ACADM: variants seen among roughly 807,000 people sequenced by gnomAD.
ACADM encodes the protein acyl-CoA dehydrogenase medium chain.
ACADM carries 49 observed loss-of-function variants against 58.9 expected under a neutral mutation model. The observed-to-expected ratio is 0.83, with a 90% CI of 0.66 to 1.06. The LOEUF (loss-of-function observed/expected upper bound fraction) is 1.06, where lower values mean the gene tolerates loss of function less well. ACADM is among the 50% of genes least tolerant of loss of function. ACADM has a pLI of 0.00. For synonymous variants in ACADM, 160 were observed against 157.7 expected, an observed-to-expected ratio of 1.01 and a Z score of -0.11; for missense variants, 496 against 507.0, an observed-to-expected ratio of 0.98 and a Z score of 0.21.
intron 8 of ACADM, 49 bp from the exon 9 acceptor site, chr1:75,749,370 G>A (rs1160463678): frequency 8.7e-6 from 14 of 1,601,814 alleles, no homozygotes; most frequent in Non-Finnish European, 8.5e-6. Flanking sequence ...AGCAAAAATT[G>A]ATGCTGGCTC....
intron 1 of ACADM, among the ~76,000 whole-genome samples, chr1:75,725,206 A>C (rs1395062010): frequency 2.0e-5 from 3 of 152,080 alleles, no homozygotes. Flanking sequence ...ATGTTTAATA[A>C]GCTTTTCGTT....
intron 7 of ACADM, chr1:75,743,532 C>T: frequency 1.2e-6 from 2 of 1,606,892 alleles, no homozygotes; most frequent in South Asian, 1.1e-5. Flanking sequence ...GTGCCACGTA[C>T]ATCATGGGCT....
At chr1:75,755,351 G>C (rs1440793008) in intron 10 of ACADM, among the ~76,000 whole-genome samples, 2 of 152,206 alleles carry the variant, frequency 1.3e-5, no homozygotes, top group Non-Finnish European at 2.9e-5. Flanking sequence ...AACTGGGAGA[G>C]ACCTCCCAGT....
At chr1:75,744,383 C>T in intron 7 of ACADM, 1 of 1,541,426 alleles carries the variant, frequency 6.5e-7, no homozygotes, top group Non-Finnish European at 9.0e-7. Context: ...TCGACTTTTC[C>T]CCCATCAGGT....
chr1:75,761,583 T>A lies in ACADM; in HGVS notation c.1194+213T>A, dbSNP rs1418978722. The A allele has an allele frequency of 5.0e-6, 3 of 596,400 alleles. No individual in the cohort carries two copies. In the East Asian group the frequency reaches 8.8e-5, roughly 17 times the overall value. 36.9% of individuals were successfully genotyped at this position (596,400 alleles called of 1,614,324 possible). A position where few individuals can be genotyped will look rare whatever the true frequency, so the allele number is the denominator to read the frequency against. Reference sequence around the variant, plus strand: ...TGAAGAGAGAATAGGCTAAAAAAAATGGTACAGACATGTGTATTACGTTTG... The same window carrying A: ...TGAAGAGAGAATAGGCTAAAAAAAAAGGTACAGACATGTGTATTACGTTTG... On this transcript the variant is annotated intron_variant, in intron 11 of 11. Transcript: ENST00000370841.
At chr1:75,761,449 G>T in intron 11 of ACADM, 79 bp downstream of exon 11, 1 of 1,493,538 alleles carries the variant, frequency 6.7e-7, no homozygotes, top group Admixed American at 1.7e-5. Context: ...TGATTATTTA[G>T]AAATTTTATG....
chr1:75,736,165 C>CACAT (rs1374015638), intron 6 of ACADM, among the ~76,000 whole-genome samples: 1 of 93,698 alleles, frequency 1.1e-5, no homozygotes, highest in Non-Finnish European at 2.1e-5. Context: ...TAAATACACA[C>CACAT]ACAGACATAC....
At chr1:75,728,552 T>G in intron 2 of ACADM, 64 bp downstream of exon 2, 3 of 1,209,582 alleles carry the variant, frequency 2.5e-6, no homozygotes, top group Non-Finnish European at 1.2e-6. Context: ...ATGTTTTGTT[T>G]GGAATATGTT....
At chr1:75,743,745 T>C in intron 7 of ACADM, 1 of 1,551,242 alleles carries the variant, frequency 6.4e-7, no homozygotes. Context: ...TGATGGTCTG[T>C]TCAATATCTG....
chr1:75,746,372 A>G (rs965136464), intron 8 of ACADM, among the ~76,000 whole-genome samples: 1 of 152,204 alleles, frequency 6.6e-6, no homozygotes, highest in Non-Finnish European at 1.5e-5. Flanking sequence ...CTATGCCTGA[A>G]AAGAGTGTAG....
chr1:75,759,058 G>T (rs962060499), intron 10 of ACADM, among the ~76,000 whole-genome samples: 2 of 152,132 alleles, frequency 1.3e-5, no homozygotes, highest in Non-Finnish European at 2.9e-5. Context: ...GCAAGACCAC[G>T]AACCCACTGG....
In ACADM at chr1:75,733,710, G is replaced by GA. The variant is rs145811227; in HGVS notation, c.387+91dup. 0.028 allele frequency: 31,045 copies of GA among 1,128,530 alleles called. 542 individuals carry two copies. The highest frequency in any genetic ancestry group is 0.11 in the African/African-American group (6,618 of 62,754). 69.9% of individuals were successfully genotyped at this position (1,128,530 alleles called of 1,614,324 possible). The stretch of plus-strand genomic sequence containing the variant: ...TCCTGAAGAAGTTGGATTTTTAGAA[G>GA]AAAAAAAAAGGAAAGTCAGTTACTA... On this transcript the variant is annotated intron_variant, in intron 5 of 11. Coordinates refer to ENST00000370841, the MANE Select transcript of ACADM (RefSeq NM_000016.6).
intron 9 of ACADM, 143 bp from the exon 10 acceptor site, chr1:75,750,308 G>A (rs1025372553): frequency 8.5e-6 from 6 of 704,162 alleles, no homozygotes; most frequent in Non-Finnish European, 1.5e-5. Flanking sequence ...ATAAACTTAC[G>A]TGCCTATTCC....
At position 75,763,147 on chromosome 1, in the gene ACADM, T is replaced by G. The variant is rs1259414493; in HGVS notation, c.*384T>G. 1 of 158,848 alleles carries G rather than the reference T, an allele frequency of 6.3e-6. No individual in the cohort carries two copies. Among genetic ancestry groups the G allele is most frequent in the Non-Finnish European group, 1.4e-5 (1 of 72,328 alleles). The allele number at this position is 158,848 out of a possible 1,614,324, so 9.8% of individuals were successfully genotyped here. A position where few individuals can be genotyped will look rare whatever the true frequency, so the allele number is the denominator to read the frequency against. ...TACATTTAGAAAATATTGTAGTATT[T>G]GAATACTGTCAACTTGACAGTAACT... is the stretch of plus-strand genomic sequence containing the variant. On this transcript the variant is annotated 3_prime_UTR_variant, in exon 12 of 12. Transcript: ENST00000370841.
intron 10 of ACADM, among the ~76,000 whole-genome samples, chr1:75,760,128 GA>G (rs1238284810): frequency 6.7e-6 from 1 of 150,076 alleles, no homozygotes; most frequent in African/African-American, 2.4e-5. Flanking sequence ...TATTTAAAAA[GA>G]AAAAAAAGAG....
At chr1:75,754,569 C>T (rs1648392583) in intron 10 of ACADM, among the ~76,000 whole-genome samples, 1 of 152,164 alleles carries the variant, frequency 6.6e-6, no homozygotes, top group African/African-American at 2.4e-5. Context: ...TCAGGTTATT[C>T]TTGGAATCCA....
chr1:75,743,778 C>T (rs527245683), intron 7 of ACADM: 113 of 1,549,946 alleles, frequency 7.3e-5, no homozygotes, highest in Non-Finnish European at 1.0e-4. Context: ...CTTCCACATT[C>T]CTGATGACTG....
chr1:75,730,758 C>T (rs1647134763), intron 2 of ACADM, among the ~76,000 whole-genome samples: 1 of 151,918 alleles, frequency 6.6e-6, no homozygotes, highest in Non-Finnish European at 1.5e-5. Flanking sequence ...AACTCCTGGC[C>T]TCAAATGGTT....
Position 75,745,830 on chromosome 1 carries a change from T to C in ACADM, c.624T>C (p.Asp208=), listed in dbSNP as rs886046523. The change falls in exon 8 of 12, where the codon GAT becomes GAC. Residue 208 remains aspartate (D), a synonymous_variant. Transcript: ENST00000370841. The part of the protein sequence containing the change: ...ANWYFLLARS[D]PDPKAPANKA... ...GGTATTTTTTATTGGCACGTTCTGATCCAGATCCTAAAGCTCCTGCTAATA... is the reference window on the plus strand; with the variant it reads ...GGTATTTTTTATTGGCACGTTCTGACCCAGATCCTAAAGCTCCTGCTAATA... 6.2e-7 allele frequency: 1 copy of C among 1,613,894 alleles called. No homozygotes were observed. Among genetic ancestry groups the C allele is most frequent in the Non-Finnish European group, 8.5e-7 (1 of 1,179,850 alleles).
Sources: gnomAD v4.1 joint callset for allele counts (sites outside exome capture counted in the v4.1 genomes callset) on GRCh38, gnomAD v4.1.1 for gene constraint, MANE v1.5 for transcripts, NCBI Gene and HGNC (gene_info 2026-07-23, HGNC 2026-07-21) for gene names.